Variants in PROCR observed in about 807,000 individuals in gnomAD.
PROCR encodes the protein endothelial protein C receptor.
In PROCR, 22 loss-of-function variants were observed where a neutral mutation model predicts 24.2. The ratio of observed to expected loss-of-function variants is 0.91; its 90% CI spans 0.65 to 1.30. The LOEUF is 1.30. Among genes scored for constraint, PROCR ranks in the 50% most tolerant of loss-of-function variants. The pLI, the probability that PROCR is intolerant of heterozygous loss-of-function variation, is 0.00. For missense variants in PROCR, 288 were observed against 307.7 expected (o/e 0.94, Z 0.48); for synonymous variants, 137 against 139.2 (o/e 0.98, Z 0.11).
intron 1 of PROCR, among the ~76,000 whole-genome samples, chr20:35,206,289 A>G (rs185491143): frequency 0.013 from 1,955 of 151,808 alleles, 20 homozygotes; most frequent in Middle Eastern, 0.017. Flanking sequence ...CCTGGCCAAC[A>G]TAGTGAAACC....
downstream of PROCR, among the ~76,000 whole-genome samples, chr20:35,179,785 T>A (rs566631355): frequency 6.6e-6 from 1 of 152,198 alleles, no homozygotes; most frequent in South Asian, 2.1e-4. Context: ...GAGAACTCAG[T>A]GTTAACCTTT....
At chr20:35,203,555 T>C (rs2060326864) in intron 1 of PROCR, among the ~76,000 whole-genome samples, 1 of 151,622 alleles carries the variant, frequency 6.6e-6, no homozygotes, top group Non-Finnish European at 1.5e-5. Context: ...AGGTGGAGGT[T>C]GCAGTGAGCT....
intron 1 of PROCR, 101 bp from the exon 2 acceptor site, chr20:35,174,601 C>A: frequency 6.8e-7 from 1 of 1,465,240 alleles, no homozygotes; most frequent in South Asian, 1.1e-5. Context: ...TATGAAGGGT[C>A]GAGAAGGCGG....
rs534620031 is a variant in PROCR at position 35,210,715 on chromosome 20, AT to A, written c.95-5165del. Among the ~76,000 whole-genome samples, 337 of 135,992 alleles carry A rather than the reference AT, an allele frequency of 2.5e-3. 1 individual carries two copies. The highest frequency in any genetic ancestry group is 8.9e-3 in the South Asian group (38 of 4,260). The allele number at this position is 135,992 out of a possible 152,430, so 89.2% of individuals were successfully genotyped here. On this transcript the variant is annotated intron_variant, in intron 1 of 1. Coordinates refer to the PROCR transcript ENST00000634509. Reference sequence around the variant, plus strand: ...TGCCTTTCTTTCTTTTCTTTTTTCCATTTTTTTTTTTTTCTCTGAGATGGAG... The same window carrying A: ...TGCCTTTCTTTCTTTTCTTTTTTCCATTTTTTTTTTTTCTCTGAGATGGAG...
downstream of PROCR, among the ~76,000 whole-genome samples, chr20:35,179,554 G>A (rs1447539766): frequency 6.6e-6 from 1 of 151,840 alleles, no homozygotes; most frequent in African/African-American, 2.4e-5. Flanking sequence ...AAAAGATAGT[G>A]TATGTATAGT....
At chr20:35,178,979 C>T (rs1035891421), downstream of PROCR, among the ~76,000 whole-genome samples, 44 of 150,774 alleles carry the variant, frequency 2.9e-4, no homozygotes, top group African/African-American at 9.5e-4. Flanking sequence ...TGCCTGTAAT[C>T]CCAGCACTTT....
chr20:35,176,650 A>G, intron 3 of PROCR, 48 bp from the exon 4 acceptor site: 1 of 1,574,124 alleles, frequency 6.4e-7, no homozygotes, highest in South Asian at 1.1e-5. Context: ...CAAATCATGG[A>G]CTCCTTGGGG....
intron 1 of PROCR, among the ~76,000 whole-genome samples, chr20:35,191,342 G>A (rs1399315551): frequency 1.3e-5 from 2 of 152,110 alleles, no homozygotes; most frequent in Admixed American, 1.3e-4. Flanking sequence ...GAAAATTATT[G>A]AGTGACTTCT....
chr20:35,196,060 T>C (rs768300333), intron 1 of PROCR, among the ~76,000 whole-genome samples: 7 of 149,876 alleles, frequency 4.7e-5, no homozygotes, highest in Non-Finnish European at 8.9e-5. Context: ...CATGCACCTG[T>C]AGTCCCAGCT....
chr20:35,190,291 G>A (rs996453353), intron 1 of PROCR, among the ~76,000 whole-genome samples: 1 of 152,176 alleles, frequency 6.6e-6, no homozygotes, highest in Non-Finnish European at 1.5e-5. Context: ...GATCCAACTC[G>A]CAATGCAGGG....
intron 1 of PROCR, among the ~76,000 whole-genome samples, chr20:35,185,673 G>T (rs2086119135): frequency 6.6e-6 from 1 of 152,166 alleles, no homozygotes; most frequent in South Asian, 2.1e-4. Context: ...TGATATGTGG[G>T]AGCTAAGCGA....
intron 1 of PROCR, among the ~76,000 whole-genome samples, chr20:35,215,483 T>G (rs1176518386): frequency 6.6e-6 from 1 of 151,614 alleles, no homozygotes; most frequent in Non-Finnish European, 1.5e-5. Context: ...GCCTTTTATG[T>G]GCACAAGTCT....
rs372670622 is a variant in PROCR at position 35,189,199 on chromosome 20, T to C, written c.94+12753T>C. Among the ~76,000 whole-genome samples, 37 of 151,276 alleles carry C rather than the reference T, an allele frequency of 2.4e-4. No homozygotes were observed. The East Asian group carries it at 6.6e-3, about 27-fold the overall frequency. On this transcript the variant is annotated intron_variant, in intron 1 of 1. Coordinates refer to the PROCR transcript ENST00000634509. ...TATTACCAAAAATGGGTAAGAGAAA[T>C]ATAGCTGAATTCTTTCCCCAGTAAG...
chr20:35,174,932 C>T lies in PROCR; in HGVS notation c.301C>T (p.His101Tyr), dbSNP rs751558696. Residue 101 changes from histidine to tyrosine, a missense_variant, in exon 2 of 4, where the codon CAC (histidine) becomes TAC (tyrosine). His to Tyr is a moderately conservative substitution (Grantham distance 83, BLOSUM62 2). Transcript: ENST00000216968. ...LQFHGLVRLV[H>Y]QERTLAFPLT... is the part of the protein sequence containing the mutation. ...GTTCCACGGCCTCGTGCGCCTGGTG[C>T]ACCAGGAGCGGACCTTGGCCTGTGA... is the stretch of plus-strand genomic sequence containing the variant. The T allele has an allele frequency of 2.3e-5, 37 of 1,582,962 alleles. No homozygotes were observed. The South Asian group carries it at 3.3e-4, about 14-fold the overall frequency.
At chr20:35,186,968 A>T (rs1417336336) in intron 1 of PROCR, among the ~76,000 whole-genome samples, 1 of 152,092 alleles carries the variant, frequency 6.6e-6, no homozygotes, top group Non-Finnish European at 1.5e-5. Flanking sequence ...AAAAAAAGAA[A>T]AAAAAATAGC....
chr20:35,214,330 T>C (rs1158916105), intron 1 of PROCR, among the ~76,000 whole-genome samples: 1 of 152,194 alleles, frequency 6.6e-6, no homozygotes, highest in African/African-American at 2.4e-5. Context: ...CCACTTAACA[T>C]TACATTTTGG....
intron 1 of PROCR, among the ~76,000 whole-genome samples, chr20:35,188,030 G>C (rs1022302756): frequency 3.9e-5 from 6 of 152,156 alleles, no homozygotes; most frequent in Admixed American, 1.3e-4. Context: ...ATGACTCCCT[G>C]GCATATTCTA....
intron 1 of PROCR, among the ~76,000 whole-genome samples, chr20:35,172,517 A>G (rs927157273): frequency 6.6e-6 from 1 of 152,038 alleles, no homozygotes; most frequent in Non-Finnish European, 1.5e-5. Flanking sequence ...CCCCAGGGAG[A>G]GGGGAGAAAG....
intron 1 of PROCR, among the ~76,000 whole-genome samples, chr20:35,207,743 T>C (rs1421199878): frequency 6.6e-6 from 1 of 152,136 alleles, no homozygotes; most frequent in East Asian, 1.9e-4. Flanking sequence ...TTGGTCAGGC[T>C]GGTCTCGAAC....
Sources: gnomAD v4.1 joint callset for allele counts (sites outside exome capture counted in the v4.1 genomes callset) on GRCh38, gnomAD v4.1.1 for gene constraint, MANE v1.5 for transcripts, NCBI Gene and HGNC (gene_info 2026-07-23, HGNC 2026-07-21) for gene names.